UGT1A10: variants seen among roughly 807,000 people sequenced by gnomAD.
UGT1A10 encodes UDP glucuronosyltransferase family 1 member A10.
A neutral mutation model predicts 45.8 loss-of-function variants in UGT1A10; 49 were observed. The ratio of observed to expected loss-of-function variants is 1.07; its 90% confidence interval spans 0.85 to 1.36. UGT1A10 has a LOEUF of 1.36. Ranked by LOEUF, UGT1A10 falls within the 40% of genes most tolerant of loss-of-function variation. UGT1A10 has a pLI of 0.00. For missense variants in UGT1A10, 745 were observed against 668.6 expected (o/e 1.11, Z -1.26); for synonymous variants, 284 against 249.7 (o/e 1.14, Z -1.29).
intron 1 of UGT1A10, among the ~76,000 whole-genome samples, chr2:233,749,150 C>G (rs1694128023): frequency 6.6e-6 from 1 of 151,782 alleles, no homozygotes; most frequent in Non-Finnish European, 1.5e-5. Flanking sequence ...ACTTCCATGA[C>G]TTGATCCTTT....
At chr2:233,754,512 G>A (rs1197156567) in intron 1 of UGT1A10, 1 of 361,962 alleles carries the variant, frequency 2.8e-6, no homozygotes. Flanking sequence ...TATTCCTCCA[G>A]ATGTGCTTAA....
chr2:233,685,917 A>T (rs2074764784), intron 1 of UGT1A10, among the ~76,000 whole-genome samples: 3 of 152,222 alleles, frequency 2.0e-5, no homozygotes, highest in African/African-American at 7.2e-5. Flanking sequence ...CCATCATTAA[A>T]TTTATCCTGA....
At chr2:233,650,409 C>T (rs757434560) in intron 1 of UGT1A10, among the ~76,000 whole-genome samples, 1 of 152,208 alleles carries the variant, frequency 6.6e-6, no homozygotes, top group Non-Finnish European at 1.5e-5. Flanking sequence ...TGTAAACTGT[C>T]CTGACTGAGA....
chr2:233,650,238 G>A (rs2073706353), intron 1 of UGT1A10, among the ~76,000 whole-genome samples: 3 of 152,164 alleles, frequency 2.0e-5, no homozygotes, highest in Admixed American at 2.0e-4. Context: ...CCAAAGTGCT[G>A]GGATTACAGG....
At chr2:233,699,443 T>G (rs1417933041) in intron 1 of UGT1A10, among the ~76,000 whole-genome samples, 1 of 152,204 alleles carries the variant, frequency 6.6e-6, no homozygotes, top group African/African-American at 2.4e-5. Context: ...ATTGGAGTGT[T>G]TTCCTTAGAA....
At chr2:233,729,870 T>A in intron 1 of UGT1A10, 1 of 1,613,848 alleles carries the variant, frequency 6.2e-7, no homozygotes, top group South Asian at 1.1e-5. Context: ...TGGTGGATAT[T>A]CTCAGTCATG....
intron 1 of UGT1A10, chr2:233,648,709 C>T: frequency 2.4e-6 from 1 of 415,238 alleles, no homozygotes; most frequent in Non-Finnish European, 4.5e-6. Flanking sequence ...CGTGATCCGC[C>T]CGCCTTGGCC....
intron 1 of UGT1A10, chr2:233,671,957 G>C (rs2074203906): frequency 6.2e-7 from 1 of 1,613,338 alleles, no homozygotes; most frequent in Non-Finnish European, 8.5e-7. Flanking sequence ...GGGTGGACCA[G>C]CCCCCTTCCT....
At chr2:233,642,690 C>T (rs952855315) in intron 1 of UGT1A10, among the ~76,000 whole-genome samples, 4 of 152,202 alleles carry the variant, frequency 2.6e-5, no homozygotes, top group Non-Finnish European at 5.9e-5. Context: ...TTTGAAAGGA[C>T]TTAGGTGTTG....
chr2:233,736,850 CTGCAGAACAGCAAATAT>C (rs1213146640), intron 1 of UGT1A10, among the ~76,000 whole-genome samples: 4 of 152,338 alleles, frequency 2.6e-5, no homozygotes, highest in African/African-American at 7.2e-5. Flanking sequence ...CCAGTGGAGG[CTGCAGAACAGCAAATAT>C]TGCAGAACAG....
chr2:233,714,390 A>T (rs994854711), intron 1 of UGT1A10, among the ~76,000 whole-genome samples: 2 of 152,218 alleles, frequency 1.3e-5, no homozygotes, highest in Non-Finnish European at 2.9e-5. Context: ...AATTGGGCCA[A>T]TGTAGGTGCA....
Position 233,769,262 on chromosome 2 carries a change from G to A in UGT1A10, c.1295+823G>A, listed in dbSNP as rs1197405588. ...TTTGCTCAAATGTGGCCCTGAAAAC[G>A]ATTCAAAGGGCAAATGATTTCTGGA... is the stretch of plus-strand genomic sequence containing the variant. On this transcript the variant is annotated intron_variant, in intron 4 of 4. Coordinates refer to ENST00000344644, the MANE Select transcript of UGT1A10 (RefSeq NM_019075.4). The surrounding 1 kb of genome is among the most constrained non-coding windows in gnomAD (Gnocchi z 4.4). Among the ~76,000 whole-genome samples the A allele has an allele frequency of 1.3e-5, 2 of 152,184 alleles. No homozygotes were observed. The highest frequency in any genetic ancestry group is 2.9e-5 in the Non-Finnish European group (2 of 68,036).
intron 1 of UGT1A10, chr2:233,690,630 C>A (rs918376019): frequency 4.7e-5 from 61 of 1,288,334 alleles, no homozygotes; most frequent in Non-Finnish European, 6.1e-5. Context: ...TCAAGTGATA[C>A]CTGAGGACAC....
intron 1 of UGT1A10, among the ~76,000 whole-genome samples, chr2:233,680,386 T>C (rs1264261773): frequency 6.6e-6 from 1 of 152,186 alleles, no homozygotes; most frequent in African/African-American, 2.4e-5. Context: ...CTCCCTGCAA[T>C]AGCAACAGGA....
At chr2:233,649,242 A>G (rs765388059) in intron 1 of UGT1A10, among the ~76,000 whole-genome samples, 5 of 152,212 alleles carry the variant, frequency 3.3e-5, no homozygotes, top group Non-Finnish European at 5.9e-5. Context: ...TTAATTGCTC[A>G]TAATTTCCAC....
At chr2:233,711,354 C>A (rs1387342793) in intron 1 of UGT1A10, among the ~76,000 whole-genome samples, 3 of 152,220 alleles carry the variant, frequency 2.0e-5, no homozygotes, top group Non-Finnish European at 4.4e-5. Flanking sequence ...AACAGGGGAG[C>A]CCCCTGAATG....
At chr2:233,654,032 A>G (rs905798403) in intron 1 of UGT1A10, among the ~76,000 whole-genome samples, 33 of 152,260 alleles carry the variant, frequency 2.2e-4, no homozygotes, top group African/African-American at 8.0e-4. Flanking sequence ...ATGGAGTCAA[A>G]TTTGTGAGCA....
intron 1 of UGT1A10, among the ~76,000 whole-genome samples, chr2:233,683,052 C>T (rs1345469025): frequency 6.6e-6 from 1 of 151,670 alleles, no homozygotes; most frequent in Non-Finnish European, 1.5e-5. Context: ...TGGAAAAATA[C>T]AAAAAAACCA....
intron 1 of UGT1A10, among the ~76,000 whole-genome samples, chr2:233,674,890 G>T (rs1004514794): frequency 1.3e-5 from 2 of 152,160 alleles, no homozygotes; most frequent in African/African-American, 4.8e-5. Flanking sequence ...ACTTCATATT[G>T]CTCCTTCCTT....
Sources: allele counts gnomAD v4.1 joint callset (sites outside exome capture counted in the v4.1 genomes callset), GRCh38; gene constraint gnomAD v4.1.1; non-coding constraint Gnocchi (gnomAD v3.1); transcripts MANE v1.5; gene names NCBI Gene and HGNC (gene_info 2026-07-23, HGNC 2026-07-21).